Variants in RTL9 observed in about 807,000 individuals in gnomAD.
RTL9 encodes retrotransposon Gag like 9, also known as retrotransposon Gag-like protein 9.
A neutral mutation model predicts 44.7 loss-of-function variants in RTL9; 19 were observed. The observed-to-expected ratio is 0.42, with a 90% CI of 0.30 to 0.62. The LOEUF (loss-of-function observed/expected upper bound fraction) is 0.62. Among genes scored for constraint, RTL9 ranks in the 20% least tolerant of loss-of-function variants. The pLI is 0.16. For missense variants in RTL9, 1,105 were observed against 1,080.6 expected, an observed-to-expected ratio of 1.02 and a Z score of -0.32; for synonymous variants, 407 against 398.9, an observed-to-expected ratio of 1.02 and a Z score of -0.24.
At chrX:110,405,678 C>G (rs1398638029) in intron 1 of RTL9, among the ~76,000 whole-genome samples, 1 of 111,695 alleles carries the variant, frequency 9.0e-6, no homozygotes, top group Non-Finnish European at 1.9e-5. Flanking sequence ...TAAGGTATCT[C>G]TATTAATCTT....
exon 1 of RTL9, chrX:110,450,810 T>C: frequency 8.3e-7 from 1 of 1,211,545 alleles, no homozygotes; most frequent in Non-Finnish European, 1.1e-6. Context: ...ATCCACACAG[T>C]TGATGACATC....
chrX:110,455,534 A>G, exon 2 of RTL9: 1 of 390,996 alleles, frequency 2.6e-6, no homozygotes, highest in Non-Finnish European at 4.4e-6. Context: ...CAGAGTAGGG[A>G]CTACAAGAGT....
chrX:110,446,958 C>T (rs757590960), upstream of RTL9, among the ~76,000 whole-genome samples: 4 of 110,573 alleles, frequency 3.6e-5, no homozygotes, highest in South Asian at 7.8e-4. Flanking sequence ...GAACCTACCT[C>T]GTAGTATGTT....
chrX:110,427,988 G>A (rs2068766779), intron 1 of RTL9, among the ~76,000 whole-genome samples: 1 of 111,847 alleles, frequency 8.9e-6, no homozygotes, highest in South Asian at 3.8e-4. Flanking sequence ...TCCAGTCTGG[G>A]TTAGATGCCC....
chrX:110,451,669 T>C, exon 1 of RTL9: 2 of 1,211,807 alleles, frequency 1.7e-6, no homozygotes, highest in South Asian at 1.8e-5. Flanking sequence ...CCAGCACTAA[T>C]GACGGCCCTA....
intron 1 of RTL9, among the ~76,000 whole-genome samples, chrX:110,411,238 A>G (rs973470769): frequency 2.7e-5 from 3 of 111,905 alleles, no homozygotes; most frequent in African/African-American, 9.8e-5. Context: ...TCAGTTTTGT[A>G]TCACTGGCAT....
At chrX:110,429,258 A>T (rs2068777365) in intron 1 of RTL9, among the ~76,000 whole-genome samples, 1 of 110,029 alleles carries the variant, frequency 9.1e-6, no homozygotes, top group African/African-American at 3.3e-5. Context: ...TTTTTTATAG[A>T]CTTAGCATAG....
At chrX:110,429,281 A>G (rs1237718673) in intron 1 of RTL9, among the ~76,000 whole-genome samples, 1 of 109,813 alleles carries the variant, frequency 9.1e-6, no homozygotes, top group Non-Finnish European at 1.9e-5. Flanking sequence ...CTTTGTAATC[A>G]TCTCACTTGT....
At chrX:110,442,221 TTCTCTC>T (rs781098261) in intron 1 of RTL9, among the ~76,000 whole-genome samples, 3 of 72,782 alleles carry the variant, frequency 4.1e-5, no homozygotes, top group Non-Finnish European at 7.6e-5. Flanking sequence ...ATCGAAGTCT[TTCTCTC>T]TCTCTCTCTC....
intron 1 of RTL9, among the ~76,000 whole-genome samples, chrX:110,399,885 C>G (rs753614656): frequency 2.7e-5 from 3 of 111,858 alleles, no homozygotes; most frequent in African/African-American, 9.8e-5. Flanking sequence ...ACATTATTAG[C>G]GAAGGCAATG....
chrX:110,417,558 G>A (rs1437340931), upstream of RTL9, among the ~76,000 whole-genome samples: 3 of 111,874 alleles, frequency 2.7e-5, no homozygotes, highest in Non-Finnish European at 5.6e-5. Flanking sequence ...CTTCCCAGCA[G>A]GTTTTGTGAT....
At chrX:110,455,349 T>C (rs1287010254) in exon 2 of RTL9, 1 of 1,203,964 alleles carries the variant, frequency 8.3e-7, no homozygotes, top group Admixed American at 2.2e-5. Context: ...TCCTGTGATA[T>C]CTGACTCGAC....
Position 110,442,247 on chromosome X carries a change from C to CTGTGTG in RTL9, c.-167-2870_-167-2865dup, listed in dbSNP as rs908737506. The stretch of plus-strand genomic sequence containing the variant: ...TCTCTCTCTCTCTCTCTCTCTCTCT[C>CTGTGTG]TGTGTGTGTGTGTGTGTGTGTGTGT... On this transcript the variant is annotated intron_variant, in intron 1 of 3. Transcript: ENST00000465301. Among the ~76,000 whole-genome samples, 855 of 96,992 alleles carry CTGTGTG rather than the reference C, an allele frequency of 8.8e-3. 17 individuals are homozygous for CTGTGTG. Among genetic ancestry groups the CTGTGTG allele is most frequent in the African/African-American group, 0.03 (765 of 25,677 alleles). The allele number at this position is 96,992 out of a possible 115,157, so 84.2% of individuals were successfully genotyped here. A position where few individuals can be genotyped will look rare whatever the true frequency, so the allele number is the denominator to read the frequency against.
chrX:110,363,159 T>A (rs2068275570), intron 1 of RTL9, among the ~76,000 whole-genome samples: 1 of 111,947 alleles, frequency 8.9e-6, no homozygotes, highest in African/African-American at 3.3e-5. Context: ...GAGGTAACAC[T>A]AGTTGGGGCT....
intron 1 of RTL9, among the ~76,000 whole-genome samples, chrX:110,373,399 G>T (rs1263868617): frequency 9.0e-6 from 1 of 111,713 alleles, no homozygotes; most frequent in Non-Finnish European, 1.9e-5. Context: ...CATAAAACCT[G>T]GCTCAGAGCA....
intron 1 of RTL9, among the ~76,000 whole-genome samples, chrX:110,421,059 C>T (rs933019858): frequency 3.6e-5 from 4 of 112,049 alleles, no homozygotes; most frequent in African/African-American, 9.8e-5. Flanking sequence ...TCATGATATG[C>T]TGGTCATTTA....
chrX:110,436,161 A>C (rs1032231901), intron 1 of RTL9, among the ~76,000 whole-genome samples: 2 of 112,433 alleles, frequency 1.8e-5, no homozygotes, highest in Non-Finnish European at 3.8e-5. Context: ...GAAACTACTC[A>C]GGGTCTTTGT....
At chrX:110,421,652 A>G (rs1292491447) in intron 1 of RTL9, among the ~76,000 whole-genome samples, 3 of 112,939 alleles carry the variant, frequency 2.7e-5, no homozygotes, top group Non-Finnish European at 5.6e-5. Context: ...ACAAAGCTCA[A>G]ATTCATGTGC....
At chrX:110,450,805 C>T (rs746565935) in exon 1 of RTL9, 12 of 1,211,719 alleles carry the variant, frequency 9.9e-6, no homozygotes, top group Non-Finnish European at 1.3e-5. Flanking sequence ...GGGACATCCA[C>T]ACAGTTGATG....
Sources: gnomAD v4.1 joint callset for allele counts (sites outside exome capture counted in the v4.1 genomes callset) on GRCh38, gnomAD v4.1.1 for gene constraint, MANE v1.5 for transcripts, NCBI Gene and HGNC (gene_info 2026-07-23, HGNC 2026-07-21) for gene names.